Variants in ANO9 observed in about 807,000 individuals in gnomAD.
ANO9 encodes anoctamin 9.
In ANO9, 80 loss-of-function variants were observed where a neutral mutation model predicts 100.5. The ratio of observed to expected loss-of-function variants is 0.80; its 90% CI spans 0.66 to 0.96. ANO9 has a LOEUF of 0.96. Among genes scored for constraint, ANO9 ranks in the 40% least tolerant of loss-of-function variants. The pLI, the probability that ANO9 is intolerant of heterozygous loss-of-function variation, is 0.00. For missense variants in ANO9, 1,064 were observed against 1,072.7 expected (o/e 0.99, Z 0.11); for synonymous variants, 473 against 435.6 (o/e 1.09, Z -1.07).
At chr11:441,808 AC>A (rs1396208050) in intron 1 of ANO9, 112 bp downstream of exon 1, 3 of 1,464,444 alleles carry the variant, frequency 2.0e-6, no homozygotes, top group Non-Finnish European at 2.7e-6. Flanking sequence ...GACCCCCCCC[AC>A]ACACACAGGC....
chr11:440,851 A>T (rs1444602867), intron 1 of ANO9, among the ~76,000 whole-genome samples: 4 of 152,246 alleles, frequency 2.6e-5, no homozygotes, highest in African/African-American at 9.6e-5. Flanking sequence ...CTCTTGCCTC[A>T]GCTTCCGGAG....
In ANO9 at chr11:419,002, G is replaced by A; in HGVS notation, c.1935-13C>T. 5 of 1,609,800 alleles carry A rather than the reference G, an allele frequency of 3.1e-6. No individual in the cohort carries two copies. Among genetic ancestry groups the A allele is most frequent in the Non-Finnish European group, 3.4e-6 (4 of 1,178,052 alleles). On this transcript the variant is annotated splice_polypyrimidine_tract_variant and intron_variant, in intron 20 of 22. Transcript: ENST00000332826. The stretch of plus-strand genomic sequence containing the variant: ...GCCCTTGAGGCAGCTGGGGAGAGGG[G>A]AGAGGAGTGTGGGGTGGGGTGGGCT...
At chr11:431,971 C>G in intron 5 of ANO9, 28 bp downstream of exon 5, 1 of 1,612,770 alleles carries the variant, frequency 6.2e-7, no homozygotes, top group African/African-American at 1.3e-5. Context: ...CCGCAGCGCC[C>G]CTGTCAGTGC....
intron 15 of ANO9, 22 bp downstream of exon 15, chr11:428,066 G>A (rs1219772470): frequency 6.4e-7 from 1 of 1,564,674 alleles, no homozygotes; most frequent in South Asian, 1.1e-5. Context: ...TTGGGTTGGA[G>A]GGAGCCTGGC....
chr11:435,016 G>T (rs937919234), intron 1 of ANO9, among the ~76,000 whole-genome samples: 1 of 152,174 alleles, frequency 6.6e-6, no homozygotes, highest in Non-Finnish European at 1.5e-5. Flanking sequence ...GCCCTTGAGG[G>T]CTGCCAGGTA....
intron 9 of ANO9, 22 bp downstream of exon 9, chr11:430,061 G>A: frequency 1.9e-6 from 3 of 1,547,720 alleles, no homozygotes; most frequent in Non-Finnish European, 1.7e-6. Flanking sequence ...CAGGCCCTGG[G>A]GTGGACCCGG....
At position 429,611 on chromosome 11, in the gene ANO9, C is replaced by T. The variant is rs372364809; in HGVS notation, c.874G>A (p.Val292Met). 372 of 1,612,498 alleles carry T rather than the reference C, an allele frequency of 2.3e-4. No homozygotes were observed. The highest frequency in any genetic ancestry group is 2.9e-4 in the Non-Finnish European group (344 of 1,179,882). Residue 292 changes from valine (V) to methionine (M), a missense_variant, in exon 11 of 23, where the codon GTG (valine) becomes ATG (methionine). By Grantham distance (21) the Val-to-Met change is conservative (BLOSUM62 1). Coordinates refer to ENST00000332826, the MANE Select transcript of ANO9 (RefSeq NM_001012302.3). ...ACGTACAGGTCCCAGTGCAGGACCA[C>T]GCGGGCGCGCTGCCGCTTCCAGATC... ...LEIWKRQRAR[V>M]VLHWDLYVWD...
intron 1 of ANO9, among the ~76,000 whole-genome samples, chr11:437,743 CA>C (rs2133718366): frequency 6.6e-6 from 1 of 152,340 alleles, no homozygotes; most frequent in Admixed American, 6.5e-5. Flanking sequence ...TCCAGCTCTG[CA>C]GCTTGCCTCC....
chr11:439,049 A>G (rs777980584), intron 1 of ANO9, among the ~76,000 whole-genome samples: 6 of 152,126 alleles, frequency 3.9e-5, no homozygotes, highest in Non-Finnish European at 7.4e-5. Flanking sequence ...GAAACACCCC[A>G]GGCCTCAGTT....
intron 11 of ANO9, 82 bp from the exon 12 acceptor site, chr11:428,908 G>A (rs1848694979): frequency 7.4e-7 from 1 of 1,343,710 alleles, no homozygotes; most frequent in Non-Finnish European, 1.0e-6. Context: ...ACACCTCACG[G>A]GTGGACAGAC....
In ANO9 at chr11:421,274, G is replaced by T. The variant is rs1848165709; in HGVS notation, c.1335-76C>A. 1 of 1,407,350 alleles carries T rather than the reference G, an allele frequency of 7.1e-7. No individual in the cohort carries two copies. Among genetic ancestry groups the T allele is most frequent in the East Asian group, 2.5e-5 (1 of 39,528 alleles). The allele number at this position is 1,407,350 out of a possible 1,614,324, so 87.2% of individuals were successfully genotyped here. A position where few individuals can be genotyped will look rare whatever the true frequency, so the allele number is the denominator to read the frequency against. Reference sequence around the variant, plus strand: ...ACAGGGTGGGTGCAGCAGGACAGAAGCGGGTAGGAAAGACACAGAACAGGC... The same window carrying T: ...ACAGGGTGGGTGCAGCAGGACAGAATCGGGTAGGAAAGACACAGAACAGGC... On this transcript the variant is annotated intron_variant, in intron 15 of 22. Transcript: ENST00000332826. The surrounding 1 kb of genome is among the most constrained non-coding windows in gnomAD (Gnocchi z 6.8).
At chr11:420,131 C>T (rs1848082785) in intron 19 of ANO9, 5 of 1,333,386 alleles carry the variant, frequency 3.7e-6, no homozygotes, top group Middle Eastern at 2.9e-4. Context: ...GCTGCCTGTC[C>T]GTCTCAGCGT....
At position 421,814 on chromosome 11, in the gene ANO9, C is replaced by G. The variant is rs1180737853; in HGVS notation, c.1335-616G>C. 6.6e-6 allele frequency among the ~76,000 whole-genome samples: 1 copy of G among 152,178 alleles called. No individual in the cohort carries two copies. The highest frequency in any genetic ancestry group is 1.5e-5 in the Non-Finnish European group (1 of 68,024). ...TGAGAAATACATGAACTATCTTAAACCAAAAGTCAGGCTCATGGTCAGTGG... is the reference window on the plus strand; with the variant it reads ...TGAGAAATACATGAACTATCTTAAAGCAAAAGTCAGGCTCATGGTCAGTGG... On this transcript the variant is annotated intron_variant, in intron 15 of 22. Coordinates refer to ENST00000332826, the MANE Select transcript of ANO9 (RefSeq NM_001012302.3). This position sits in a 1 kb window ranked among gnomAD's most constrained non-coding sequence, Gnocchi z 6.8.
Position 433,376 on chromosome 11 carries a change from CT to C in ANO9, c.287del (p.Glu96GlyfsTer28). On this transcript the variant is annotated frameshift_variant, in exon 4 of 23. Transcript: ENST00000332826. LOFTEE classifies it high-confidence loss of function. Reference protein sequence around the residue: ...VFGLYRTLLLEPEGPAPHAEL... With the variant: ...VFGLYRTLLLXPEGPAPHAEL... ...CGGCGTGGGGGGCAGGCCCCTCAGG[CT>C]CCAGGAGGAGAGTGCGGTACAGGCC... The C allele has an allele frequency of 6.2e-7, 1 of 1,613,128 alleles. No individual in the cohort carries two copies.
chr11:419,755 T>G, intron 19 of ANO9, 26 bp from the exon 20 acceptor site: 1 of 1,582,376 alleles, frequency 6.3e-7, no homozygotes, highest in Non-Finnish European at 8.6e-7. Flanking sequence ...GGGCAAGCGG[T>G]CTGACTCAGC....
chr11:420,901 G>T, intron 17 of ANO9, 41 bp from the exon 18 acceptor site: 1 of 1,594,340 alleles, frequency 6.3e-7, no homozygotes. Context: ...GCAGGGGGCG[G>T]AGGGGCCTGG....
intron 7 of ANO9, among the ~76,000 whole-genome samples, chr11:431,440 T>C (rs1337858632): frequency 1.8e-4 from 7 of 38,790 alleles, no homozygotes; most frequent in Admixed American, 3.2e-4. Flanking sequence ...TGGGGGCGTC[T>C]GCGGGGGTGT....
Position 428,592 on chromosome 11 carries a change from G to A in ANO9, c.1068C>T (p.Val356=). 1 of 1,612,534 alleles carries A rather than the reference G, an allele frequency of 6.2e-7. No homozygotes were observed. Among genetic ancestry groups the A allele is most frequent in the Non-Finnish European group, 8.5e-7 (1 of 1,179,844 alleles). ...AGCTGCTGAAGAGCGCGGAGGCCAG[G>A]ACGCGGTAGACCACCAGGACGTGGG... The part of the protein sequence containing the change: ...GMAHVLVVYR[V]LASALFSSSA... Residue 356 remains valine (V), a synonymous_variant, in exon 13 of 23, where the codon GTC becomes GTT. Transcript: ENST00000332826.
In ANO9 at chr11:432,354, C is replaced by A. The variant is rs1849082811; in HGVS notation, c.351-300G>T. The A allele has an allele frequency of 2.1e-6, 1 of 485,090 alleles. No individual in the cohort carries two copies. Among genetic ancestry groups the A allele is most frequent in the Non-Finnish European group, 3.8e-6 (1 of 264,988 alleles). The allele number at this position is 485,090 out of a possible 1,614,324, so 30.0% of individuals were successfully genotyped here. The stretch of plus-strand genomic sequence containing the variant: ...CCAGACCACAGCCCGCACCTGCAAC[C>A]ACACCTCCCACCTGCGGGCCCCATG... On this transcript the variant is annotated intron_variant, in intron 4 of 22. Coordinates refer to ENST00000332826, the MANE Select transcript of ANO9 (RefSeq NM_001012302.3). This position sits in a 1 kb window ranked among gnomAD's most constrained non-coding sequence, Gnocchi z 4.8.
Sources: gnomAD v4.1 joint callset for allele counts (sites outside exome capture counted in the v4.1 genomes callset) on GRCh38, gnomAD v4.1.1 for gene constraint, Gnocchi (gnomAD v3.1) non-coding constraint, MANE v1.5 for transcripts, NCBI Gene and HGNC (gene_info 2026-07-23, HGNC 2026-07-21) for gene names.